Variants in AHCYL2 observed in about 807,000 individuals in gnomAD.
AHCYL2 encodes the protein adenosylhomocysteinase like 2.
A neutral mutation model predicts 81.4 loss-of-function variants in AHCYL2; 28 were observed. That is an observed-to-expected ratio of 0.34 (90% CI 0.25 to 0.47). The LOEUF is 0.47. Ranked by LOEUF, AHCYL2 falls within the 20% of genes least tolerant of loss-of-function variation. AHCYL2 has a pLI of 1.00. For synonymous variants in AHCYL2, 272 were observed against 290.2 expected (o/e 0.94, Z 0.64); for missense variants, 551 against 785.1 (o/e 0.70, Z 3.56).
chr7:129,269,831 C>G (rs890168033), intron 1 of AHCYL2, among the ~76,000 whole-genome samples: 8 of 152,146 alleles, frequency 5.3e-5, no homozygotes, highest in Non-Finnish European at 7.3e-5. Flanking sequence ...ATCCTTATCA[C>G]TAAATGCATA....
Position 129,362,044 on chromosome 7 carries a change from G to A in AHCYL2, c.364-17594G>A, listed in dbSNP as rs549766588. Among the ~76,000 whole-genome samples the A allele has an allele frequency of 2.6e-5, 4 of 152,248 alleles. No homozygotes were observed. In the South Asian group the frequency reaches 6.2e-4, roughly 24 times the overall value. On this transcript the variant is annotated intron_variant, in intron 1 of 16. Transcript: ENST00000325006. ...TAAGAAGCGAGATTCAAACCAGGCA[G>A]TTGAGTACTACTCTGCTCTATCTAG...
rs1205310131 is a variant in AHCYL2, at chr7:129,225,148, C to T, written c.72C>T (p.Pro24=). 1 of 1,601,246 alleles carries T rather than the reference C, an allele frequency of 6.2e-7. No individual in the cohort carries two copies. The part of the protein sequence containing the change: ...VPEVELKDLS[P]SEAESQLGLS... ...AGGTGGAGCTGAAGGACCTGAGCCC[C>T]TCCGAGGCGGAGTCGCAACTAGGAC... Residue 24 remains proline (P), a synonymous_variant, in exon 1 of 17, where the codon CCC becomes CCT. Transcript: ENST00000325006.
intron 1 of AHCYL2, among the ~76,000 whole-genome samples, chr7:129,268,330 T>A (rs913844928): frequency 6.6e-6 from 1 of 152,158 alleles, no homozygotes; most frequent in African/African-American, 2.4e-5. Context: ...GGGAGTTTGC[T>A]TGTGCTTTCT....
chr7:129,410,880 C>T (rs554229158), intron 11 of AHCYL2, among the ~76,000 whole-genome samples: 129 of 152,162 alleles, frequency 8.5e-4, no homozygotes, highest in Non-Finnish European at 1.7e-3. Context: ...GAAATAGGGG[C>T]AGAGAAGAGG....
intron 7 of AHCYL2, among the ~76,000 whole-genome samples, chr7:129,404,278 G>A (rs1796192005): frequency 6.6e-6 from 1 of 151,948 alleles, no homozygotes; most frequent in Non-Finnish European, 1.5e-5. Context: ...CTTCTCAAAT[G>A]AGTAATAATT....
intron 1 of AHCYL2, among the ~76,000 whole-genome samples, chr7:129,341,988 A>G (rs972316199): frequency 6.6e-6 from 1 of 152,232 alleles, no homozygotes; most frequent in Non-Finnish European, 1.5e-5. Context: ...ACTCAGAAGA[A>G]TGGTTTATCT....
chr7:129,337,897 C>T (rs778405426), intron 1 of AHCYL2, among the ~76,000 whole-genome samples: 6 of 152,124 alleles, frequency 3.9e-5, no homozygotes, highest in Admixed American at 1.3e-4. Flanking sequence ...GCATGCGCCA[C>T]CATGCCTGGC....
At chr7:129,293,391 A>G (rs542548896) in intron 1 of AHCYL2, among the ~76,000 whole-genome samples, 1 of 152,260 alleles carries the variant, frequency 6.6e-6, no homozygotes, top group African/African-American at 2.4e-5. Flanking sequence ...AAAATGTTCT[A>G]GTAGAAGCCA....
At chr7:129,260,004 A>G (rs1333893556) in intron 1 of AHCYL2, among the ~76,000 whole-genome samples, 1 of 150,486 alleles carries the variant, frequency 6.6e-6, no homozygotes, top group Non-Finnish European at 1.5e-5. Flanking sequence ...TGAACCCAGG[A>G]GGCGAAGGTT....
At chr7:129,255,922 C>T (rs1795403052) in intron 1 of AHCYL2, among the ~76,000 whole-genome samples, 1 of 152,068 alleles carries the variant, frequency 6.6e-6, no homozygotes, top group Non-Finnish European at 1.5e-5. Context: ...TGAGATTGCA[C>T]CATTACACTC....
At chr7:129,350,212 C>T (rs1472636210) in intron 1 of AHCYL2, among the ~76,000 whole-genome samples, 1 of 152,226 alleles carries the variant, frequency 6.6e-6, no homozygotes, top group South Asian at 2.1e-4. Flanking sequence ...AGCTCTGTGT[C>T]TTATGAGCTC....
chr7:129,379,229 G>T (rs960351754), intron 1 of AHCYL2, among the ~76,000 whole-genome samples: 12 of 150,472 alleles, frequency 8.0e-5, no homozygotes, highest in African/African-American at 2.9e-4. Context: ...GCAGTGAGCC[G>T]AGATCGTGCC....
intron 1 of AHCYL2, among the ~76,000 whole-genome samples, chr7:129,244,954 G>C (rs1794993516): frequency 6.6e-6 from 1 of 151,722 alleles, no homozygotes; most frequent in Admixed American, 6.6e-5. Context: ...AACAGCAAGA[G>C]GTAAAATTTG....
Position 129,426,609 on chromosome 7 carries a change from G to C in AHCYL2, c.1829+46G>C. ...ATCAGGGACACCTGGGCAGTGATGAGCTTCCTGCACTGGAATTGGTCTTTG... is the reference window on the plus strand; with the variant it reads ...ATCAGGGACACCTGGGCAGTGATGACCTTCCTGCACTGGAATTGGTCTTTG... On this transcript the variant is annotated intron_variant, in intron 16 of 16. Transcript: ENST00000325006. The surrounding 1 kb of genome is among the most constrained non-coding windows in gnomAD (Gnocchi z 4.3). 6.3e-7 allele frequency: 1 copy of C among 1,593,542 alleles called. No individual in the cohort carries two copies. The highest frequency in any genetic ancestry group is 8.5e-7 in the Non-Finnish European group (1 of 1,171,442).
chr7:129,379,959 A>G (rs991728048), intron 2 of AHCYL2, among the ~76,000 whole-genome samples: 8 of 152,170 alleles, frequency 5.3e-5, no homozygotes, highest in Admixed American at 1.3e-4. Flanking sequence ...TCCTCTTCCA[A>G]TAGAGTCAGA....
intron 4 of AHCYL2, among the ~76,000 whole-genome samples, chr7:129,396,823 A>C (rs1795765904): frequency 6.6e-6 from 1 of 152,152 alleles, no homozygotes; most frequent in Non-Finnish European, 1.5e-5. Flanking sequence ...AGGCTCAAGC[A>C]GTCCTCCCAC....
At chr7:129,354,669 A>G (rs1031383535) in intron 1 of AHCYL2, among the ~76,000 whole-genome samples, 1 of 152,230 alleles carries the variant, frequency 6.6e-6, no homozygotes, top group African/African-American at 2.4e-5. Context: ...TAACACTACA[A>G]TGTCAGCATT....
At chr7:129,319,005 G>A (rs1174706276) in intron 1 of AHCYL2, among the ~76,000 whole-genome samples, 2 of 151,908 alleles carry the variant, frequency 1.3e-5, no homozygotes, top group African/African-American at 4.8e-5. Context: ...AGAAACTGGG[G>A]AAAATATTTG....
intron 1 of AHCYL2, among the ~76,000 whole-genome samples, chr7:129,328,321 G>A (rs981558379): frequency 1.3e-5 from 2 of 152,038 alleles, no homozygotes; most frequent in African/African-American, 4.8e-5. Context: ...GGGATTACAG[G>A]CATGGGCCAC....
Sources: allele counts gnomAD v4.1 joint callset (sites outside exome capture counted in the v4.1 genomes callset), GRCh38; gene constraint gnomAD v4.1.1; non-coding constraint Gnocchi (gnomAD v3.1); transcripts MANE v1.5; gene names NCBI Gene and HGNC (gene_info 2026-07-23, HGNC 2026-07-21).